Variants in KCND2 observed in about 807,000 individuals in gnomAD.
KCND2 encodes A-type voltage-gated potassium channel KCND2.
In KCND2, 16 loss-of-function variants were observed where a neutral mutation model predicts 54.4. The ratio of observed to expected loss-of-function variants is 0.29; its 90% CI spans 0.20 to 0.45. KCND2 has a LOEUF of 0.45. Among genes scored for constraint, KCND2 ranks in the 20% least tolerant of loss-of-function variants. The pLI is 1.00. For missense variants in KCND2, 486 were observed against 824.2 expected (o/e 0.59, Z 5.02); for synonymous variants, 317 against 310.7 (o/e 1.02, Z -0.21).
At chr7:120,364,670 A>G (rs561371680) in intron 1 of KCND2, among the ~76,000 whole-genome samples, 11 of 152,056 alleles carry the variant, frequency 7.2e-5, no homozygotes, top group East Asian at 1.9e-4. Flanking sequence ...CTAAGAGGAA[A>G]CATCAAGGGT....
At chr7:120,658,059 A>C (rs1479699328) in intron 1 of KCND2, among the ~76,000 whole-genome samples, 2 of 152,212 alleles carry the variant, frequency 1.3e-5, no homozygotes, top group Non-Finnish European at 2.9e-5. Flanking sequence ...TCTGGTCTGT[A>C]TGCTAGTTAA....
At chr7:120,627,511 G>A (rs1014993671) in intron 1 of KCND2, among the ~76,000 whole-genome samples, 3 of 152,006 alleles carry the variant, frequency 2.0e-5, no homozygotes, top group African/African-American at 7.2e-5. Context: ...ATTTTGGAAA[G>A]TAAAGTTCCT....
intron 1 of KCND2, among the ~76,000 whole-genome samples, chr7:120,555,991 G>A (rs1792158443): frequency 6.6e-6 from 1 of 152,230 alleles, no homozygotes; most frequent in Non-Finnish European, 1.5e-5. Context: ...TTAAAACTGA[G>A]AAAAACAGTA....
intron 1 of KCND2, among the ~76,000 whole-genome samples, chr7:120,595,222 C>T (rs566244709): frequency 7.3e-5 from 11 of 150,904 alleles, no homozygotes; most frequent in South Asian, 6.3e-4. Context: ...GAGGCCGAGA[C>T]GGGCAAATCA....
chr7:120,314,098 C>T (rs1232520641), intron 1 of KCND2, among the ~76,000 whole-genome samples: 1 of 148,874 alleles, frequency 6.7e-6, no homozygotes, highest in African/African-American at 2.5e-5. Flanking sequence ...ATCATTTGAG[C>T]TTCTACTTGC....
intron 1 of KCND2, among the ~76,000 whole-genome samples, chr7:120,406,964 A>G (rs966999705): frequency 6.6e-6 from 1 of 151,918 alleles, no homozygotes; most frequent in Non-Finnish European, 1.5e-5. Flanking sequence ...AGTCTTCAAA[A>G]CAGTAGTTTC....
chr7:120,562,843 C>T (rs570576960), intron 1 of KCND2, among the ~76,000 whole-genome samples: 1 of 152,086 alleles, frequency 6.6e-6, no homozygotes, highest in East Asian at 1.9e-4. Context: ...AGACACAGTT[C>T]AGAAATGAAT....
At chr7:120,586,306 C>T (rs959034241) in intron 1 of KCND2, among the ~76,000 whole-genome samples, 1 of 152,024 alleles carries the variant, frequency 6.6e-6, no homozygotes, top group Admixed American at 6.6e-5. Context: ...ATGTTTGACC[C>T]TCATGTATTT....
chr7:120,313,644 G>T (rs1799771576), intron 1 of KCND2, among the ~76,000 whole-genome samples: 1 of 151,926 alleles, frequency 6.6e-6, no homozygotes, highest in African/African-American at 2.4e-5. Context: ...AGGCTGCCTT[G>T]TTGGTAGTTT....
intron 1 of KCND2, among the ~76,000 whole-genome samples, chr7:120,339,201 A>G (rs942481739): frequency 1.3e-5 from 2 of 151,922 alleles, no homozygotes; most frequent in Non-Finnish European, 2.9e-5. Flanking sequence ...CCTTGCTACT[A>G]TCTTTAATAG....
chr7:120,302,512 C>G (rs1276808424), intron 1 of KCND2, among the ~76,000 whole-genome samples: 1 of 152,140 alleles, frequency 6.6e-6, no homozygotes, highest in Non-Finnish European at 1.5e-5. Flanking sequence ...CTAAAGCCAT[C>G]CTCCTGCCTT....
chr7:120,483,710 A>T (rs1398527791), intron 1 of KCND2, among the ~76,000 whole-genome samples: 1 of 152,192 alleles, frequency 6.6e-6, no homozygotes, highest in Non-Finnish European at 1.5e-5. Flanking sequence ...TTAATAGGGT[A>T]AAGGAGTCAG....
chr7:120,721,768 GGA>G (rs937496084), intron 1 of KCND2, among the ~76,000 whole-genome samples: 5 of 152,134 alleles, frequency 3.3e-5, no homozygotes, highest in African/African-American at 1.2e-4. Context: ...GCACACATAA[GGA>G]GAAACAAGGT....
rs1802921098 is a variant in KCND2 at position 120,500,849 on chromosome 7, ATAT to A, written c.1115+225107_1115+225109del. On this transcript the variant is annotated intron_variant, in intron 1 of 5. Transcript: ENST00000331113. ...AATTATATTTAAATGTATGGTTTAA[ATAT>A]TATTGAGAATATTCTACCTATAATG... 2.6e-5 allele frequency among the ~76,000 whole-genome samples: 4 copies of A among 151,162 alleles called. No individual in the cohort carries two copies. In the South Asian group the frequency reaches 8.3e-4, roughly 31 times the overall value.
chr7:120,293,252 C>T (rs1417271204), intron 1 of KCND2, among the ~76,000 whole-genome samples: 1 of 151,878 alleles, frequency 6.6e-6, no homozygotes, highest in Non-Finnish European at 1.5e-5. Flanking sequence ...AAACAGAATA[C>T]ACAATGGACA....
At chr7:120,315,483 G>C (rs1258264700) in intron 1 of KCND2, among the ~76,000 whole-genome samples, 2 of 152,042 alleles carry the variant, frequency 1.3e-5, no homozygotes, top group African/African-American at 4.8e-5. Flanking sequence ...AAAGCAAAGG[G>C]CTAAGGATCA....
chr7:120,317,923 G>A (rs1015107876), intron 1 of KCND2, among the ~76,000 whole-genome samples: 1 of 152,118 alleles, frequency 6.6e-6, no homozygotes, highest in Non-Finnish European at 1.5e-5. Context: ...CAATCTTCCT[G>A]CAGTCAGCCT....
chr7:120,594,696 T>C (rs1370878899), intron 1 of KCND2, among the ~76,000 whole-genome samples: 1 of 152,152 alleles, frequency 6.6e-6, no homozygotes, highest in African/African-American at 2.4e-5. Flanking sequence ...CCAAACTTAC[T>C]GAGACAGCTA....
intron 1 of KCND2, among the ~76,000 whole-genome samples, chr7:120,667,492 A>G (rs1047322207): frequency 6.6e-6 from 1 of 152,064 alleles, no homozygotes; most frequent in Admixed American, 6.6e-5. Flanking sequence ...CTGTGTGTAT[A>G]TAAAAATCTA....
Sources: gnomAD v4.1 joint callset for allele counts (sites outside exome capture counted in the v4.1 genomes callset) on GRCh38, gnomAD v4.1.1 for gene constraint, MANE v1.5 for transcripts, NCBI Gene and HGNC (gene_info 2026-07-23, HGNC 2026-07-21) for gene names.